The following CDCA5 variants were observed in gnomAD, a reference collection of about 807,000 sequenced individuals.
The protein encoded by CDCA5 is sororin.
A neutral mutation model predicts 25.7 loss-of-function variants in CDCA5; 14 were observed. That is an observed-to-expected ratio of 0.54 (90% CI 0.36 to 0.85). The LOEUF (loss-of-function observed/expected upper bound fraction) is 0.85, where lower values mean the gene tolerates loss of function less well. Among genes scored for constraint, CDCA5 ranks in the 40% least tolerant of loss-of-function variants. CDCA5 has a pLI of 0.01. For missense variants in CDCA5, 307 were observed against 324.5 expected, an observed-to-expected ratio of 0.95 and a Z score of 0.41; for synonymous variants, 127 against 128.7, an observed-to-expected ratio of 0.99 and a Z score of 0.09.
At chr11:65,063,987 T>C (rs1466217121), downstream of CDCA5, among the ~76,000 whole-genome samples, 1 of 152,216 alleles carries the variant, frequency 6.6e-6, no homozygotes, top group African/African-American at 2.4e-5. Flanking sequence ...ATGGCCAGGA[T>C]GCATTCGAAT....
At chr11:65,080,412 GT>G (rs1318978224) in intron 4 of CDCA5, among the ~76,000 whole-genome samples, 3 of 151,886 alleles carry the variant, frequency 2.0e-5, no homozygotes, top group Non-Finnish European at 2.9e-5. Flanking sequence ...GCTCAGCAAC[GT>G]TTTTTGTTTT....
exon 6 of CDCA5, chr11:65,066,635 G>A (rs1011158881): frequency 7.8e-7 from 1 of 1,289,022 alleles, no homozygotes; most frequent in Non-Finnish European, 1.0e-6. Context: ...CCTCCTCCTG[G>A]ATGGCCTGGG....
At chr11:65,066,252 G>T, downstream of CDCA5, 1 of 962,966 alleles carries the variant, frequency 1.0e-6, no homozygotes, top group Non-Finnish European at 1.3e-6. Flanking sequence ...GTGACCTCCT[G>T]CTCCCCACCT....
intron 4 of CDCA5, among the ~76,000 whole-genome samples, chr11:65,080,656 C>A (rs1947546912): frequency 6.6e-6 from 1 of 152,118 alleles, no homozygotes; most frequent in Admixed American, 6.5e-5. Context: ...CTTCTGATTT[C>A]TCTCCCTGTT....
chr11:65,067,421 C>A (rs749416940), intron 4 of CDCA5, among the ~76,000 whole-genome samples: 37 of 152,220 alleles, frequency 2.4e-4, no homozygotes, highest in Non-Finnish European at 5.3e-4. Flanking sequence ...CCCAGCATTA[C>A]CTGAGAGGGG....
chr11:65,064,374 C>A (rs947688783), downstream of CDCA5, among the ~76,000 whole-genome samples: 1 of 145,936 alleles, frequency 6.9e-6, no homozygotes, highest in African/African-American at 2.5e-5. Context: ...GCTGAGATTG[C>A]GCCACTGCAC....
At chr11:65,071,232 G>A (rs1356775696) in intron 1 of CDCA5, among the ~76,000 whole-genome samples, 3 of 150,556 alleles carry the variant, frequency 2.0e-5, no homozygotes, top group Admixed American at 6.6e-5. Flanking sequence ...GTGAGCCACC[G>A]TGCTCGGCCG....
intron 1 of CDCA5, among the ~76,000 whole-genome samples, chr11:65,070,741 C>T (rs1947324175): frequency 6.6e-6 from 1 of 152,178 alleles, no homozygotes; most frequent in African/African-American, 2.4e-5. Flanking sequence ...CTCCTCCTCT[C>T]CCAAAGTGCT....
chr11:65,068,902 G>T (rs1227121079), intron 1 of CDCA5, among the ~76,000 whole-genome samples: 1 of 152,192 alleles, frequency 6.6e-6, no homozygotes, highest in Non-Finnish European at 1.5e-5. Flanking sequence ...AATTTAACTA[G>T]GTGTCCTGTA....
chr11:65,068,616 A>G, intron 1 of CDCA5: 1 of 1,269,506 alleles, frequency 7.9e-7, no homozygotes, highest in Non-Finnish European at 1.0e-6. Flanking sequence ...GAGAGACAGA[A>G]GCCTGCTAGT....
At position 65,079,401 on chromosome 11, in the gene CDCA5, T is replaced by TGGGGAGATTCC; in HGVS notation, c.619_629dup (p.Pro211GlufsTer20). 2 of 1,613,964 alleles carry TGGGGAGATTCC rather than the reference T, an allele frequency of 1.2e-6. No homozygotes were observed. Among genetic ancestry groups the TGGGGAGATTCC allele is most frequent in the Non-Finnish European group, 1.7e-6 (2 of 1,179,994 alleles). ...TCTTACGTTTCTGTTTCTCGGGTGG[T>TGGGGAGATTCC]GGGGAGATTCCAGGGAGAGTCATGT... On this transcript the variant is annotated frameshift_variant, in exon 5 of 6. Coordinates refer to ENST00000275517, the MANE Select transcript of CDCA5 (RefSeq NM_080668.4). LOFTEE classifies it high-confidence loss of function.
downstream of CDCA5, among the ~76,000 whole-genome samples, chr11:65,064,287 G>A (rs192398958): frequency 6.6e-6 from 1 of 151,930 alleles, no homozygotes; most frequent in African/African-American, 2.4e-5. Flanking sequence ...GCATGGTGGC[G>A]GGTGCCTGTA....
At chr11:65,081,816 GAAA>G (rs2137142605) in intron 4 of CDCA5, among the ~76,000 whole-genome samples, 1 of 152,044 alleles carries the variant, frequency 6.6e-6, no homozygotes, top group South Asian at 2.1e-4. Context: ...AAAAATTAGA[GAAA>G]ACATCAAAAA....
intron 4 of CDCA5, among the ~76,000 whole-genome samples, chr11:65,081,459 TTGG>T (rs1947565075): frequency 6.6e-6 from 1 of 151,090 alleles, no homozygotes; most frequent in Non-Finnish European, 1.5e-5. Context: ...GCTGAACAAA[TTGG>T]TGGTCACTGC....
intron 5 of CDCA5, 28 bp from the exon 6 acceptor site, chr11:65,079,215 G>A (rs1675488392): frequency 6.5e-7 from 1 of 1,544,576 alleles, no homozygotes; most frequent in Non-Finnish European, 8.7e-7. Context: ...AGGAGCAGGT[G>A]AGTGAGAAGG....
intron 1 of CDCA5, among the ~76,000 whole-genome samples, chr11:65,069,700 A>G (rs2070023810): frequency 6.6e-6 from 1 of 152,256 alleles, no homozygotes; most frequent in Admixed American, 6.5e-5. Flanking sequence ...GGACGACCAC[A>G]GTAGCTGATT....
At chr11:65,070,666 G>A (rs955576709) in intron 1 of CDCA5, among the ~76,000 whole-genome samples, 6 of 152,050 alleles carry the variant, frequency 3.9e-5, no homozygotes, top group Admixed American at 1.3e-4. Context: ...ATTTTTTGTA[G>A]AGACAGGGTT....
At chr11:65,069,370 G>A (rs1947299443) in intron 1 of CDCA5, among the ~76,000 whole-genome samples, 1 of 151,920 alleles carries the variant, frequency 6.6e-6, no homozygotes, top group Admixed American at 6.6e-5. Context: ...GTCCACCTGC[G>A]CCTCTAGATC....
At chr11:65,067,621 AC>A (rs2137062720) in intron 4 of CDCA5, 1 of 1,256,442 alleles carries the variant, frequency 8.0e-7, no homozygotes, top group Non-Finnish European at 1.0e-6. Flanking sequence ...AAGCCCTGTC[AC>A]CCTACCCGCT....
Sources: allele counts gnomAD v4.1 joint callset (sites outside exome capture counted in the v4.1 genomes callset), GRCh38; gene constraint gnomAD v4.1.1; transcripts MANE v1.5; gene names NCBI Gene and HGNC (gene_info 2026-07-23, HGNC 2026-07-21).